The following TCP11L1 variants were observed in gnomAD, a reference collection of about 807,000 sequenced individuals.
TCP11L1 encodes t-complex 11 like 1.
TCP11L1 carries 28 observed loss-of-function variants against 48.9 expected under a neutral mutation model. That is an observed-to-expected ratio of 0.57 (90% CI 0.42 to 0.78). The LOEUF is 0.78. Ranked by LOEUF, TCP11L1 falls within the 30% of genes least tolerant of loss-of-function variation. The pLI, the probability that TCP11L1 is intolerant of heterozygous loss-of-function variation, is 0.00. For synonymous variants in TCP11L1, 204 were observed against 231.9 expected, an observed-to-expected ratio of 0.88 and a Z score of 1.09; for missense variants, 505 against 613.4, an observed-to-expected ratio of 0.82 and a Z score of 1.87.
At chr11:33,046,158 G>A (rs563619372) in intron 2 of TCP11L1, among the ~76,000 whole-genome samples, 15 of 152,358 alleles carry the variant, frequency 9.8e-5, no homozygotes, top group African/African-American at 3.4e-4. Context: ...ACAGAGCTTG[G>A]TGTTCCCAAG....
intron 9 of TCP11L1, among the ~76,000 whole-genome samples, chr11:33,069,079 G>A (rs991507010): frequency 6.6e-6 from 1 of 152,072 alleles, no homozygotes; most frequent in African/African-American, 2.4e-5. Flanking sequence ...TCACTCTCCT[G>A]GGTTCACAAG....
chr11:33,056,091 C>T (rs1017234443), intron 3 of TCP11L1, among the ~76,000 whole-genome samples: 1 of 152,034 alleles, frequency 6.6e-6, no homozygotes, highest in African/African-American at 2.4e-5. Context: ...GCTGGGACTA[C>T]AGGTGTGAGC....
chr11:33,071,716 C>T (rs1854795427), intron 9 of TCP11L1, among the ~76,000 whole-genome samples: 1 of 152,238 alleles, frequency 6.6e-6, no homozygotes, highest in Admixed American at 6.5e-5. Flanking sequence ...CCTGTAATTC[C>T]TGCTTTAATC....
At chr11:33,051,697 A>G (rs1401321832) in intron 2 of TCP11L1, among the ~76,000 whole-genome samples, 2 of 152,024 alleles carry the variant, frequency 1.3e-5, no homozygotes, top group African/African-American at 4.8e-5. Flanking sequence ...GGCCTCAAGC[A>G]GTCCACCTGC....
intron 8 of TCP11L1, among the ~76,000 whole-genome samples, chr11:33,066,882 C>T (rs1315553350): frequency 6.6e-6 from 1 of 152,134 alleles, no homozygotes; most frequent in Non-Finnish European, 1.5e-5. Context: ...ACACTTAACA[C>T]ACGTGTAACA....
intron 1 of TCP11L1, chr11:33,040,658 T>G (rs1254949760): frequency 6.6e-6 from 1 of 152,210 alleles, no homozygotes; most frequent in African/African-American, 2.4e-5. Context: ...AAACTAGCAC[T>G]TTTACCATCT....
chr11:33,072,351 T>C (rs1854816766), intron 9 of TCP11L1, 123 bp from the exon 10 acceptor site: 1 of 939,202 alleles, frequency 1.1e-6, no homozygotes, highest in Non-Finnish European at 1.7e-6. Context: ...GGGTATCTGG[T>C]CTGGGAGTAT....
At chr11:33,045,606 A>G (rs780726674) in intron 2 of TCP11L1, among the ~76,000 whole-genome samples, 21 of 152,228 alleles carry the variant, frequency 1.4e-4, no homozygotes, top group Non-Finnish European at 2.8e-4. Flanking sequence ...TTTACAACCT[A>G]TAGTTTCTGC....
chr11:33,072,489 CCTT>C lies in TCP11L1; in HGVS notation c.1347_1349del (p.Phe449del), dbSNP rs758387477. ...TTTGTCACAGAATCTCGAATCCTGA[CCTT>C]CTTAGAAACCTACCTTGCCTCGGGT... On this transcript the variant is annotated inframe_deletion, in exon 10 of 10. Coordinates refer to ENST00000334274, the MANE Select transcript of TCP11L1 (RefSeq NM_018393.4). The C allele has an allele frequency of 1.9e-6, 3 of 1,614,044 alleles. No individual in the cohort carries two copies. Among genetic ancestry groups the C allele is most frequent in the Non-Finnish European group, 1.7e-6 (2 of 1,180,042 alleles).
At chr11:33,066,595 C>T (rs972252463) in intron 8 of TCP11L1, among the ~76,000 whole-genome samples, 22 of 152,134 alleles carry the variant, frequency 1.4e-4, no homozygotes, top group African/African-American at 4.6e-4. Context: ...GGGCCTGGCT[C>T]GGTGTTGAGT....
At chr11:33,069,378 G>T (rs1204593143) in intron 9 of TCP11L1, among the ~76,000 whole-genome samples, 1 of 151,186 alleles carries the variant, frequency 6.6e-6, no homozygotes, top group South Asian at 2.1e-4. Context: ...ACTTAAAATG[G>T]TAATATTAAG....
intron 3 of TCP11L1, 79 bp downstream of exon 3, chr11:33,054,804 C>G (rs1203514429): frequency 6.9e-7 from 1 of 1,447,274 alleles, no homozygotes; most frequent in African/African-American, 1.4e-5. Flanking sequence ...TCAGTTGATA[C>G]CAATATATTC....
chr11:33,058,801 G>T (rs975220643), intron 5 of TCP11L1, among the ~76,000 whole-genome samples, 158 bp from the exon 6 acceptor site: 4 of 152,058 alleles, frequency 2.6e-5, no homozygotes, highest in Non-Finnish European at 5.9e-5. Flanking sequence ...TTGCTATGCT[G>T]CCCAGGCTGG....
chr11:33,051,223 A>C (rs1854151048), intron 2 of TCP11L1, among the ~76,000 whole-genome samples: 1 of 152,118 alleles, frequency 6.6e-6, no homozygotes, highest in Non-Finnish European at 1.5e-5. Flanking sequence ...GCTGGAGTGC[A>C]GTGGTGCAAT....
rs1179611490 is a variant in TCP11L1 at position 33,066,885 on chromosome 11, G to A, written c.1154+874G>A. Among the ~76,000 whole-genome samples, 4 of 152,052 alleles carry A rather than the reference G, an allele frequency of 2.6e-5. No individual in the cohort carries two copies. The East Asian group carries it at 5.8e-4, about 22-fold the overall frequency. On this transcript the variant is annotated intron_variant, in intron 8 of 9. Coordinates refer to ENST00000334274, the MANE Select transcript of TCP11L1 (RefSeq NM_018393.4). ...GTGACCTAGTACACACTTAACACAC[G>A]TGTAACAGAAACGAAAACTTCTCAA...
chr11:33,058,725 A>G (rs1395612505), intron 5 of TCP11L1, among the ~76,000 whole-genome samples: 1 of 152,144 alleles, frequency 6.6e-6, no homozygotes, highest in African/African-American at 2.4e-5. Flanking sequence ...AAAGTTACAA[A>G]AACAGTACAA....
chr11:33,054,562 G>A, intron 2 of TCP11L1, 31 bp from the exon 3 acceptor site: 2 of 1,594,212 alleles, frequency 1.3e-6, no homozygotes, highest in Middle Eastern at 1.7e-4. Context: ...ATCCAGGGAA[G>A]CAAATCTCTT....
intron 7 of TCP11L1, among the ~76,000 whole-genome samples, chr11:33,062,476 CTG>C (rs1854496311): frequency 6.6e-6 from 1 of 152,228 alleles, no homozygotes. Flanking sequence ...CTCTTTTCCA[CTG>C]TGTTTTTTTT....
chr11:33,058,140 G>A lies in TCP11L1; in HGVS notation c.638+1G>A. 3 of 1,610,582 alleles carry A rather than the reference G, an allele frequency of 1.9e-6. No homozygotes were observed. Among genetic ancestry groups the A allele is most frequent in the Non-Finnish European group, 2.5e-6 (3 of 1,179,278 alleles). On this transcript the variant is annotated splice_donor_variant, in intron 5 of 9. Transcript: ENST00000334274. LOFTEE classifies it high-confidence loss of function. ...TTAAGGAAATAGTGCCCCTTTTCAGGTATGGAAATATGTTAATCATACTCC... is the reference window on the plus strand; with the variant it reads ...TTAAGGAAATAGTGCCCCTTTTCAGATATGGAAATATGTTAATCATACTCC...
Sources: allele counts gnomAD v4.1 joint callset (sites outside exome capture counted in the v4.1 genomes callset), GRCh38; gene constraint gnomAD v4.1.1; transcripts MANE v1.5; gene names NCBI Gene and HGNC (gene_info 2026-07-23, HGNC 2026-07-21).